DOCK7: variants seen among roughly 807,000 people sequenced by gnomAD.
The protein encoded by DOCK7 is dedicator of cytokinesis 7, also known as dedicator of cytokinesis protein 7.
A neutral mutation model predicts 271.0 loss-of-function variants in DOCK7; 138 were observed. That is an observed-to-expected ratio of 0.51 (90% confidence interval 0.44 to 0.59). The LOEUF (loss-of-function observed/expected upper bound fraction) is 0.59. Among genes scored for constraint, DOCK7 ranks in the 20% least tolerant of loss-of-function variants. DOCK7 has a pLI of 0.00. For synonymous variants in DOCK7, 823 were observed against 876.1 expected, an observed-to-expected ratio of 0.94 and a Z score of 1.07; for missense variants, 2,066 against 2,592.4, an observed-to-expected ratio of 0.80 and a Z score of 4.41.
chr1:62,475,555 A>G, intron 46 of DOCK7, 152 bp downstream of exon 46: 1 of 1,077,724 alleles, frequency 9.3e-7, no homozygotes, highest in Non-Finnish European at 1.3e-6. Flanking sequence ...GGTCTTAGAA[A>G]AGAAGTAAAA....
intron 1 of DOCK7, among the ~76,000 whole-genome samples, chr1:62,667,864 A>C (rs1407104617): frequency 6.6e-6 from 1 of 152,012 alleles, no homozygotes; most frequent in East Asian, 1.9e-4. Flanking sequence ...CGAAAAATAC[A>C]AAAAAATTAG....
chr1:62,604,309 C>A, intron 14 of DOCK7: 1 of 1,550,674 alleles, frequency 6.4e-7, no homozygotes, highest in South Asian at 1.2e-5. Context: ...CTATTATCTG[C>A]AATGACAACT....
At chr1:62,557,931 T>G (rs945635360) in intron 20 of DOCK7, among the ~76,000 whole-genome samples, 14 of 152,070 alleles carry the variant, frequency 9.2e-5, no homozygotes, top group Non-Finnish European at 1.8e-4. Flanking sequence ...GACTCCTAAT[T>G]TGTCTCCCTG....
rs147371901 is a variant in DOCK7, at chr1:62,524,931, C to CTATATATATATATATATA, written c.3936+3202_3936+3219dup. ...AACAAAACAAAACCAACCAACCAAACTATATATATATATATATATATATAT... is the reference window on the plus strand; with the variant it reads ...AACAAAACAAAACCAACCAACCAAACTATATATATATATATATATATATATATATATATATATATATAT... On this transcript the variant is annotated intron_variant, in intron 31 of 49. Coordinates refer to ENST00000635253, the MANE Select transcript of DOCK7 (RefSeq NM_001367561.1). Among the ~76,000 whole-genome samples the CTATATATATATATATATA allele has an allele frequency of 4.4e-3, 454 of 103,540 alleles. 9 individuals carry two copies. Among genetic ancestry groups the CTATATATATATATATATA allele is most frequent in the African/African-American group, 5.6e-3 (126 of 22,632 alleles). The allele number at this position is 103,540 out of a possible 152,430, so 67.9% of individuals were successfully genotyped here. A position where few individuals can be genotyped will look rare whatever the true frequency, so the allele number is the denominator to read the frequency against.
chr1:62,528,094 T>G (rs1371539771), intron 31 of DOCK7, 57 bp downstream of exon 31: 1 of 1,549,896 alleles, frequency 6.5e-7, no homozygotes, highest in East Asian at 2.3e-5. Context: ...TAAGGGCATA[T>G]CCTAGTAAAT....
intron 2 of DOCK7, among the ~76,000 whole-genome samples, chr1:62,657,585 G>A (rs1658175935): frequency 6.6e-6 from 1 of 152,130 alleles, no homozygotes; most frequent in East Asian, 1.9e-4. Context: ...CAAGATAAGT[G>A]ATCTTAGCAT....
intron 18 of DOCK7, among the ~76,000 whole-genome samples, chr1:62,566,651 C>T (rs1646526649): frequency 6.6e-6 from 1 of 152,126 alleles, no homozygotes; most frequent in African/African-American, 2.4e-5. Flanking sequence ...CACTTCATGT[C>T]TAAAACACCA....
chr1:62,549,306 G>C (rs1645815198), intron 22 of DOCK7, among the ~76,000 whole-genome samples: 1 of 152,134 alleles, frequency 6.6e-6, no homozygotes, highest in African/African-American at 2.4e-5. Flanking sequence ...GCAACATGAA[G>C]GGTGCTGGTG....
At chr1:62,665,278 C>T (rs1275437501) in intron 1 of DOCK7, among the ~76,000 whole-genome samples, 1 of 152,068 alleles carries the variant, frequency 6.6e-6, no homozygotes, top group Non-Finnish European at 1.5e-5. Context: ...CAGGAGCCAC[C>T]GTGCCTAGCC....
chr1:62,510,763 C>T (rs1644459914), intron 33 of DOCK7, 90 bp from the exon 34 acceptor site: 1 of 995,446 alleles, frequency 1.0e-6, no homozygotes, highest in Non-Finnish European at 1.5e-6. Flanking sequence ...AAATATACAA[C>T]AATAATTTGT....
chr1:62,680,929 T>C (rs1002903960), intron 1 of DOCK7, among the ~76,000 whole-genome samples: 1 of 152,224 alleles, frequency 6.6e-6, no homozygotes, highest in Non-Finnish European at 1.5e-5. Flanking sequence ...ACTTTTACAG[T>C]GTTGGTGGGA....
chr1:62,651,078 A>T (rs1289525906), intron 4 of DOCK7, among the ~76,000 whole-genome samples: 1 of 152,040 alleles, frequency 6.6e-6, no homozygotes, highest in East Asian at 1.9e-4. Context: ...GGATTAAGAA[A>T]ATGTGGCACA....
At chr1:62,603,768 T>A (rs1256345833) in intron 14 of DOCK7, among the ~76,000 whole-genome samples, 2 of 151,908 alleles carry the variant, frequency 1.3e-5, no homozygotes, top group Non-Finnish European at 2.9e-5. Context: ...TCAGTTATAT[T>A]AATATTTTTA....
At chr1:62,590,288 T>C (rs1025271799) in intron 14 of DOCK7, among the ~76,000 whole-genome samples, 1 of 152,158 alleles carries the variant, frequency 6.6e-6, no homozygotes, top group African/African-American at 2.4e-5. Flanking sequence ...AGACAGACTA[T>C]GGGAATTTTG....
chr1:62,565,044 T>C (rs1646465410), intron 18 of DOCK7, among the ~76,000 whole-genome samples: 2 of 152,124 alleles, frequency 1.3e-5, no homozygotes, highest in African/African-American at 4.8e-5. Context: ...GTTCTGAAAC[T>C]GAGGCAGTAA....
intron 2 of DOCK7, among the ~76,000 whole-genome samples, chr1:62,661,353 G>C (rs1389732556): frequency 6.6e-6 from 1 of 152,028 alleles, no homozygotes; most frequent in Non-Finnish European, 1.5e-5. Flanking sequence ...ATAAATAGTG[G>C]TGATGGTTGT....
intron 46 of DOCK7, 94 bp downstream of exon 46, chr1:62,475,613 G>A (rs1390378992): frequency 4.9e-6 from 6 of 1,230,310 alleles, no homozygotes; most frequent in Non-Finnish European, 7.0e-6. Flanking sequence ...TATGGTATAA[G>A]GGATGGTACA....
chr1:62,489,119 AAAAGT>A, intron 41 of DOCK7, 54 bp from the exon 42 acceptor site: 1 of 1,460,090 alleles, frequency 6.8e-7, no homozygotes, highest in South Asian at 1.3e-5. Flanking sequence ...AATAAGAAAG[AAAAGT>A]AATTATATGA....
intron 18 of DOCK7, among the ~76,000 whole-genome samples, chr1:62,569,437 G>A (rs1475275315): frequency 1.3e-5 from 2 of 151,542 alleles, no homozygotes; most frequent in African/African-American, 4.9e-5. Flanking sequence ...TTCAACACAC[G>A]CAAATCAATA....
Sources: allele counts gnomAD v4.1 joint callset (sites outside exome capture counted in the v4.1 genomes callset), GRCh38; gene constraint gnomAD v4.1.1; transcripts MANE v1.5; gene names NCBI Gene and HGNC (gene_info 2026-07-23, HGNC 2026-07-21).